The following SLC36A2 variants were observed in gnomAD, a reference collection of about 807,000 sequenced individuals.
SLC36A2 encodes the protein proton-coupled amino acid transporter 2.
In SLC36A2, 39 loss-of-function variants were observed where a neutral mutation model predicts 42.7. That is an observed-to-expected ratio of 0.91 (90% CI 0.71 to 1.19). The LOEUF (loss-of-function observed/expected upper bound fraction) is 1.19, where lower values mean the gene tolerates loss of function less well. Among genes scored for constraint, SLC36A2 ranks in the 50% most tolerant of loss-of-function variants. SLC36A2 has a pLI of 0.00. For synonymous variants in SLC36A2, 237 were observed against 240.8 expected, an observed-to-expected ratio of 0.98 and a Z score of 0.15; for missense variants, 590 against 613.7, an observed-to-expected ratio of 0.96 and a Z score of 0.41.
At chr5:151,339,033 C>A in intron 5 of SLC36A2, 27 bp downstream of exon 5, 1 of 1,551,850 alleles carries the variant, frequency 6.4e-7, no homozygotes, top group Non-Finnish European at 8.9e-7. Context: ...CATCTTTTCC[C>A]CTCCCGTTTT....
intron 8 of SLC36A2, among the ~76,000 whole-genome samples, chr5:151,323,423 A>T (rs948080818): frequency 2.0e-5 from 3 of 152,150 alleles, no homozygotes; most frequent in African/African-American, 7.2e-5. Context: ...CAAGTTTTTG[A>T]AATTCCCCTG....
At chr5:151,323,766 C>G (rs979769437) in intron 8 of SLC36A2, among the ~76,000 whole-genome samples, 3 of 152,248 alleles carry the variant, frequency 2.0e-5, no homozygotes, top group Non-Finnish European at 4.4e-5. Context: ...GTTCCTCCCC[C>G]ATTCCCACCG....
chr5:151,325,274 C>T lies in SLC36A2; in HGVS notation c.1010+12G>A. 25 of 1,612,240 alleles carry T rather than the reference C, an allele frequency of 1.6e-5. No homozygotes were observed. Among genetic ancestry groups the T allele is most frequent in the Non-Finnish European group, 2.1e-5 (25 of 1,179,234 alleles). ...TCCTGAGTCCCCACCACCTGACAGC[C>T]CATGAAGATACCAGCAGTTAGGCAG... On this transcript the variant is annotated intron_variant, in intron 8 of 9. Transcript: ENST00000335244.
At chr5:151,324,679 G>A (rs966579310) in intron 8 of SLC36A2, among the ~76,000 whole-genome samples, 4 of 152,116 alleles carry the variant, frequency 2.6e-5, no homozygotes, top group Non-Finnish European at 5.9e-5. Flanking sequence ...CACTCAGGCT[G>A]GAGTGGAGTG....
At chr5:151,340,671 T>C (rs902823037) in intron 4 of SLC36A2, among the ~76,000 whole-genome samples, 1 of 152,198 alleles carries the variant, frequency 6.6e-6, no homozygotes, top group Non-Finnish European at 1.5e-5. Context: ...TGGTCAATTA[T>C]ACACATTACT....
intron 7 of SLC36A2, chr5:151,332,640 A>G (rs751518188): frequency 1.2e-5 from 3 of 254,108 alleles, no homozygotes; most frequent in Non-Finnish European, 2.4e-5. Context: ...ATGATCCCAT[A>G]TATGTGACAT....
At chr5:151,329,417 A>G (rs187045232) in intron 7 of SLC36A2, among the ~76,000 whole-genome samples, 4 of 152,364 alleles carry the variant, frequency 2.6e-5, no homozygotes, top group Non-Finnish European at 4.4e-5. Flanking sequence ...TATTCAGCCT[A>G]CAAAGAACCA....
chr5:151,330,706 A>G (rs1028472559), intron 7 of SLC36A2, among the ~76,000 whole-genome samples: 1 of 152,240 alleles, frequency 6.6e-6, no homozygotes, highest in African/African-American at 2.4e-5. Flanking sequence ...TTGAAAGCAA[A>G]GATGATAACA....
chr5:151,332,156 C>T (rs1296176506), intron 7 of SLC36A2, among the ~76,000 whole-genome samples: 3 of 151,912 alleles, frequency 2.0e-5, no homozygotes, highest in Admixed American at 6.6e-5. Flanking sequence ...CGTGAACCAC[C>T]GCGCCCGGCT....
chr5:151,335,640 A>G (rs1034517908), intron 5 of SLC36A2, 93 bp from the exon 6 acceptor site: 11 of 922,820 alleles, frequency 1.2e-5, no homozygotes, highest in Admixed American at 1.0e-4. Flanking sequence ...AAATTCCCTC[A>G]CAGTGAATGG....
rs146104200 is a variant in SLC36A2 at position 151,325,346 on chromosome 5, C to G, written c.950G>C (p.Gly317Ala). Reference sequence around the variant, plus strand: ...GATGTCATCTCCAAACCGCAGGTAGCCCAGAGCCGCCATGCCAATGTATAG... The same window carrying G: ...GATGTCATCTCCAAACCGCAGGTAGGCCAGAGCCGCCATGCCAATGTATAG... ...TSLYIGMAALGYLRFGDDIKA... is the reference protein window; with the variant it reads ...TSLYIGMAALAYLRFGDDIKA... The change falls in exon 8 of 10, where the codon GGC (glycine) becomes GCC (alanine). Residue 317 changes from glycine (G) to alanine (A), a missense_variant. Gly to Ala is a moderately conservative substitution (Grantham distance 60). Transcript: ENST00000335244. 2.1e-4 allele frequency: 336 copies of G among 1,613,996 alleles called. No individual in the cohort carries two copies. The highest frequency in any genetic ancestry group is 2.6e-4 in the Non-Finnish European group (311 of 1,180,012).
chr5:151,328,024 C>G (rs1755898673), intron 7 of SLC36A2, among the ~76,000 whole-genome samples: 2 of 152,204 alleles, frequency 1.3e-5, no homozygotes, highest in South Asian at 4.1e-4. Context: ...GAAATACTTA[C>G]TGAACAAATA....
chr5:151,342,505 A>G (rs572313671), intron 4 of SLC36A2, among the ~76,000 whole-genome samples: 1 of 152,236 alleles, frequency 6.6e-6, no homozygotes, highest in African/African-American at 2.4e-5. Context: ...TTCATCGTAC[A>G]TATCCAAGCG....
At chr5:151,325,558 C>T (rs1755830240) in intron 7 of SLC36A2, 106 bp from the exon 8 acceptor site, 1 of 1,181,902 alleles carries the variant, frequency 8.5e-7, no homozygotes. Flanking sequence ...AGCAGGGCCT[C>T]AAAGAGATAT....
Position 151,339,071 on chromosome 5 carries a change from T to G in SLC36A2, c.514A>C (p.Asn172His). ...CCVYIVFLAD[N>H]LKQVVEAVNS... ...CTAGAAGCCTCTACCTGTTTTAAAT[T>G]ATCAGCCAAAAACACAATGTACACA... Residue 172 changes from asparagine (N) to histidine (H), a missense_variant, in exon 5 of 10, where the codon AAT becomes CAT. By Grantham distance (68) the Asn-to-His change is moderately conservative. Coordinates refer to ENST00000335244, the MANE Select transcript of SLC36A2 (RefSeq NM_181776.3). The G allele has an allele frequency of 6.2e-7, 1 of 1,610,020 alleles. No homozygotes were observed. The highest frequency in any genetic ancestry group is 8.5e-7 in the Non-Finnish European group (1 of 1,177,226).
chr5:151,334,946 G>A (rs1362119722), intron 6 of SLC36A2, among the ~76,000 whole-genome samples: 1 of 151,566 alleles, frequency 6.6e-6, no homozygotes, highest in African/African-American at 2.4e-5. Flanking sequence ...TTGGGTACCT[G>A]AAATTGTACC....
At position 151,343,408 on chromosome 5, in the gene SLC36A2, A is replaced by G. The variant is rs377745121; in HGVS notation, c.344+102T>C. ...CTTCACTCTTTCTTGGCCTTATTGG[A>G]GAAAACTAAGAAGTAAATTTCTATT... On this transcript the variant is annotated intron_variant, in intron 3 of 9. Coordinates refer to ENST00000335244, the MANE Select transcript of SLC36A2 (RefSeq NM_181776.3). 8.1e-6 allele frequency: 10 copies of G among 1,239,784 alleles called. No individual in the cohort carries two copies. In the African/African-American group the frequency reaches 1.2e-4, roughly 15 times the overall value. 76.8% of individuals were successfully genotyped at this position (1,239,784 alleles called of 1,614,324 possible).
intron 7 of SLC36A2, chr5:151,332,590 G>C: frequency 2.9e-6 from 1 of 343,732 alleles, no homozygotes; most frequent in Non-Finnish European, 5.7e-6. Context: ...AATGCATTAG[G>C]CTAAGTAAAA....
chr5:151,321,204 G>A (rs1755676553), intron 9 of SLC36A2, among the ~76,000 whole-genome samples: 2 of 151,790 alleles, frequency 1.3e-5, no homozygotes, highest in South Asian at 2.1e-4. Context: ...TGACTCTGTT[G>A]CCCAGGCTGG....
Sources: gnomAD v4.1 joint callset for allele counts (sites outside exome capture counted in the v4.1 genomes callset) on GRCh38, gnomAD v4.1.1 for gene constraint, MANE v1.5 for transcripts, NCBI Gene and HGNC (gene_info 2026-07-23, HGNC 2026-07-21) for gene names.